Variants in SH3PXD2B observed in about 807,000 individuals in gnomAD.
The protein encoded by SH3PXD2B is SH3 and PX domain-containing protein 2B.
Under a neutral mutation model 73.1 loss-of-function variants are expected in SH3PXD2B, and 37 were observed. The ratio of observed to expected loss-of-function variants is 0.51; its 90% CI spans 0.39 to 0.67. The LOEUF is 0.67. Ranked by LOEUF, SH3PXD2B falls within the 30% of genes least tolerant of loss-of-function variation. The pLI, the probability that SH3PXD2B is intolerant of heterozygous loss-of-function variation, is 0.00. For synonymous variants in SH3PXD2B, 457 were observed against 480.5 expected (o/e 0.95, Z 0.64); for missense variants, 1,053 against 1,197.8 (o/e 0.88, Z 1.78).
intron 1 of SH3PXD2B, among the ~76,000 whole-genome samples, chr5:172,453,937 C>T (rs1581352562): frequency 6.6e-6 from 1 of 152,180 alleles, no homozygotes; most frequent in East Asian, 1.9e-4. Flanking sequence ...CTGTCTCAGA[C>T]CCCTCACCGG....
At chr5:172,325,348 C>T (rs773842698) in exon 13 of SH3PXD2B, 4 of 1,535,506 alleles carry the variant, frequency 2.6e-6, no homozygotes, top group South Asian at 1.2e-5. Flanking sequence ...GAGGGACTTC[C>T]ACAGGGCTCT....
downstream of SH3PXD2B, among the ~76,000 whole-genome samples, chr5:172,328,739 G>T (rs927181978): frequency 2.6e-5 from 4 of 152,010 alleles, no homozygotes; most frequent in African/African-American, 9.7e-5. Context: ...ACAGCTAGGG[G>T]CCCAGTGGAA....
chr5:172,329,766 T>A (rs907578765), downstream of SH3PXD2B, among the ~76,000 whole-genome samples: 4 of 151,934 alleles, frequency 2.6e-5, no homozygotes. Flanking sequence ...CTGGATCTCC[T>A]GACCTCGTGA....
chr5:172,419,164 G>T (rs986928786), intron 2 of SH3PXD2B, among the ~76,000 whole-genome samples: 5 of 152,202 alleles, frequency 3.3e-5, no homozygotes, highest in Non-Finnish European at 5.9e-5. Flanking sequence ...GCTGAGATTT[G>T]CACCCAGGTC....
In SH3PXD2B at chr5:172,335,373, C is replaced by T. The variant is rs932794879; in HGVS notation, c.*2996G>A. The stretch of plus-strand genomic sequence containing the variant: ...GTCACTTGATTCCCTGGAAGCCCTC[C>T]GCACACTTCCCTGCTAATGGCAGAG... On this transcript the variant is annotated 3_prime_UTR_variant, in exon 13 of 13. Transcript: ENST00000311601. The T allele has an allele frequency of 2.7e-5, 33 of 1,219,112 alleles. No individual in the cohort carries two copies. The highest frequency in any genetic ancestry group is 6.5e-5 in the East Asian group (2 of 30,816). 75.5% of individuals were successfully genotyped at this position (1,219,112 alleles called of 1,614,324 possible).
At chr5:172,371,641 C>T (rs1047710746) in intron 6 of SH3PXD2B, among the ~76,000 whole-genome samples, 2 of 151,954 alleles carry the variant, frequency 1.3e-5, no homozygotes, top group African/African-American at 4.8e-5. Context: ...AAATCCATCC[C>T]CATCATTTCA....
intron 1 of SH3PXD2B, among the ~76,000 whole-genome samples, chr5:172,423,545 T>TGG (rs34097249): frequency 0.024 from 1,638 of 67,160 alleles, 50 homozygotes; most frequent in African/African-American, 0.055. Flanking sequence ...GATACGGGGT[T>TGG]GGGGGGGGGG....
chr5:172,440,991 C>T (rs919761), intron 1 of SH3PXD2B, among the ~76,000 whole-genome samples: 115,341 of 152,088 alleles, frequency 0.76, 44,055 homozygotes, highest in East Asian at 0.91. Context: ...CCCCCTTCCA[C>T]GTAAGCAAGA....
At chr5:172,389,222 A>G (rs1308222277) in intron 4 of SH3PXD2B, among the ~76,000 whole-genome samples, 1 of 151,576 alleles carries the variant, frequency 6.6e-6, no homozygotes, top group Non-Finnish European at 1.5e-5. Context: ...CACCTGGATA[A>G]TTTTTATATT....
chr5:172,410,800 G>C (rs367865766), intron 2 of SH3PXD2B, among the ~76,000 whole-genome samples: 5 of 152,154 alleles, frequency 3.3e-5, no homozygotes, highest in African/African-American at 1.2e-4. Flanking sequence ...TCTCATATAC[G>C]ATTTCATGTG....
At position 172,336,000 on chromosome 5, in the gene SH3PXD2B, C is replaced by A; in HGVS notation, c.*2369G>T. 5.9e-6 allele frequency: 6 copies of A among 1,015,192 alleles called. No homozygotes were observed. The highest frequency in any genetic ancestry group is 7.1e-6 in the Non-Finnish European group (6 of 850,054). 62.9% of individuals were successfully genotyped at this position (1,015,192 alleles called of 1,614,324 possible). The stretch of plus-strand genomic sequence containing the variant: ...CTGCCTAGAGGAAGGCAGGGCAAGT[C>A]TGCTCCTACCCAGCTGACCCCCGGG... On this transcript the variant is annotated 3_prime_UTR_variant, in exon 13 of 13. Transcript: ENST00000311601.
rs1189353538 is a variant in SH3PXD2B, at chr5:172,335,224, T to TA, written c.*3144dup. On this transcript the variant is annotated 3_prime_UTR_variant, in exon 13 of 13. Coordinates refer to ENST00000311601, the MANE Select transcript of SH3PXD2B (RefSeq NM_001017995.3). The stretch of plus-strand genomic sequence containing the variant: ...AAAGTAGTTGTCACAATTGTGTTAA[T>TA]AAGCAGGGGTGAGGGGAAGAAAAAA... 20 of 1,033,090 alleles carry TA rather than the reference T, an allele frequency of 1.9e-5. No homozygotes were observed. The highest frequency in any genetic ancestry group is 2.0e-5 in the Non-Finnish European group (17 of 861,994). 64.0% of individuals were successfully genotyped at this position (1,033,090 alleles called of 1,614,324 possible).
In SH3PXD2B at chr5:172,334,360, C is replaced by T. The variant is rs1756637162; in HGVS notation, c.*4009G>A. On this transcript the variant is annotated 3_prime_UTR_variant, in exon 13 of 13. Coordinates refer to ENST00000311601, the MANE Select transcript of SH3PXD2B (RefSeq NM_001017995.3). ...TCTAGTTAGGAGCAATTCCTCCAGG[C>T]CAAGAGAGGGCGCCCTGCACCCTCA... The T allele has an allele frequency of 1.0e-6, 1 of 993,932 alleles. No individual in the cohort carries two copies. Among genetic ancestry groups the T allele is most frequent in the Non-Finnish European group, 1.2e-6 (1 of 836,538 alleles). The allele number at this position is 993,932 out of a possible 1,614,324, so 61.6% of individuals were successfully genotyped here. A position where few individuals can be genotyped will look rare whatever the true frequency, so the allele number is the denominator to read the frequency against.
At chr5:172,328,678 T>C (rs3925650), downstream of SH3PXD2B, among the ~76,000 whole-genome samples, 92,374 of 151,766 alleles carry the variant, frequency 0.61, 28,517 homozygotes, top group South Asian at 0.83. Flanking sequence ...GTCTCAAGCT[T>C]GAATCCAAGA....
Position 172,346,120 on chromosome 5 carries a change from C to T in SH3PXD2B, c.1188+16G>A, listed in dbSNP as rs1010389350. On this transcript the variant is annotated intron_variant, in intron 12 of 12. Transcript: ENST00000311601. ...CAGGAATCACAAGTAGGCAAAGGAACACCAGGGCCACTCACCTCGACCTTC... is the reference window on the plus strand; with the variant it reads ...CAGGAATCACAAGTAGGCAAAGGAATACCAGGGCCACTCACCTCGACCTTC... 9.3e-6 allele frequency: 15 copies of T among 1,613,986 alleles called. No individual in the cohort carries two copies. Among genetic ancestry groups the T allele is most frequent in the Non-Finnish European group, 1.1e-5 (13 of 1,179,954 alleles).
At chr5:172,362,077 T>C (rs1364315371) in intron 7 of SH3PXD2B, among the ~76,000 whole-genome samples, 1 of 152,228 alleles carries the variant, frequency 6.6e-6, no homozygotes, top group African/African-American at 2.4e-5. Context: ...ACCCACATTT[T>C]TTTGAGCATC....
At chr5:172,380,244 A>T (rs1057167226) in intron 5 of SH3PXD2B, among the ~76,000 whole-genome samples, 1 of 151,968 alleles carries the variant, frequency 6.6e-6, no homozygotes, top group East Asian at 1.9e-4. Flanking sequence ...TATTTTTAGT[A>T]GAGACAGGAT....
rs756433282 is a variant in SH3PXD2B at position 172,339,252 on chromosome 5, G to C, written c.1853C>G (p.Ser618Cys). Residue 618 changes from serine to cysteine, a missense_variant, in exon 13 of 13, where the codon TCC (serine) becomes TGC (cysteine). Physicochemically the swap from Ser to Cys is moderately radical, Grantham distance 112. Coordinates refer to ENST00000311601, the MANE Select transcript of SH3PXD2B (RefSeq NM_001017995.3). The surrounding 1 kb of genome is among the most constrained non-coding windows in gnomAD (Gnocchi z 6.1). ...KKPNLRPISK[S>C]KTDLPEEKPD... ...CTTCTCCTCTGGCAGGTCAGTTTTG[G>C]ATTTGGAGATGGGCCGGAGGTTGGG... is the stretch of plus-strand genomic sequence containing the variant. 1 of 1,614,204 alleles carries C rather than the reference G, an allele frequency of 6.2e-7. No homozygotes were observed. The highest frequency in any genetic ancestry group is 1.1e-5 in the South Asian group (1 of 91,084).
At chr5:172,389,251 TCAC>T (rs1758124266) in intron 4 of SH3PXD2B, among the ~76,000 whole-genome samples, 2 of 151,888 alleles carry the variant, frequency 1.3e-5, no homozygotes, top group African/African-American at 4.8e-5. Context: ...AGATGGGGTT[TCAC>T]CACATTGGTC....
Sources: gnomAD v4.1 joint callset for allele counts (sites outside exome capture counted in the v4.1 genomes callset) on GRCh38, gnomAD v4.1.1 for gene constraint, Gnocchi (gnomAD v3.1) non-coding constraint, MANE v1.5 for transcripts, NCBI Gene and HGNC (gene_info 2026-07-23, HGNC 2026-07-21) for gene names.